Variants in CSF1R observed in about 807,000 individuals in gnomAD.
CSF1R encodes macrophage colony-stimulating factor 1 receptor.
Under a neutral mutation model 110.0 loss-of-function variants are expected in CSF1R, and 40 were observed. That is an observed-to-expected ratio of 0.36 (90% confidence interval 0.28 to 0.47). CSF1R has a LOEUF of 0.47. Among genes scored for constraint, CSF1R ranks in the 20% least tolerant of loss-of-function variants. CSF1R has a pLI of 0.99. For synonymous variants in CSF1R, 523 were observed against 503.4 expected (o/e 1.04, Z -0.52); for missense variants, 1,052 against 1,253.0 (o/e 0.84, Z 2.42).
At chr5:150,055,186 C>G (rs1316892340) in intron 19 of CSF1R, 51 bp downstream of exon 19, 1 of 1,531,424 alleles carries the variant, frequency 6.5e-7, no homozygotes, top group Non-Finnish European at 9.0e-7. Context: ...CCATCCCTTT[C>G]CAGCGAAAGC....
chr5:150,059,470 C>G (rs1366487181), intron 14 of CSF1R, among the ~76,000 whole-genome samples: 1 of 152,232 alleles, frequency 6.6e-6, no homozygotes, highest in East Asian at 1.9e-4. Context: ...GCCCTCCACA[C>G]TCCCAGAACA....
At position 150,054,065 on chromosome 5, in the gene CSF1R, C is replaced by CTCCTCAGCAGAACTGATAGTTG. The variant is rs1248845844; in HGVS notation, c.2901_*3dup. ...GGAGAGTGGTACTCCCTGTCGTCAA[C>CTCCTCAGCAGAACTGATAGTTG]TCCTCAGCAGAACTGATAGTTGTTG... On this transcript the variant is annotated 3_prime_UTR_variant, in exon 21 of 21. Coordinates refer to ENST00000675795, the MANE Select transcript of CSF1R (RefSeq NM_001288705.3). 3.1e-6 allele frequency: 5 copies of CTCCTCAGCAGAACTGATAGTTG among 1,613,948 alleles called. No homozygotes were observed. In the African/African-American group the frequency reaches 5.3e-5, roughly 17 times the overall value.
intron 1 of CSF1R, among the ~76,000 whole-genome samples, chr5:150,111,359 G>T (rs1329540921): frequency 1.3e-5 from 2 of 152,206 alleles, no homozygotes; most frequent in Non-Finnish European, 2.9e-5. Context: ...TCTTCCCTGG[G>T]CCCGCCTGAG....
At chr5:150,069,170 A>G (rs1156590506) in intron 9 of CSF1R, among the ~76,000 whole-genome samples, 1 of 152,202 alleles carries the variant, frequency 6.6e-6, no homozygotes, top group Non-Finnish European at 1.5e-5. Flanking sequence ...CTCCAAGGCC[A>G]GCAGCTGGGG....
intron 10 of CSF1R, among the ~76,000 whole-genome samples, chr5:150,063,657 G>A (rs182420746): frequency 3.3e-5 from 5 of 152,188 alleles, no homozygotes; most frequent in Non-Finnish European, 5.9e-5. Context: ...CCTGGGATGT[G>A]GGGAGGAGGA....
At chr5:150,068,163 T>C in intron 10 of CSF1R, 52 bp downstream of exon 10, 2 of 1,437,362 alleles carry the variant, frequency 1.4e-6, no homozygotes, top group Non-Finnish European at 1.9e-6. Flanking sequence ...GGGGGTACCA[T>C]CCAAATCTGG....
chr5:150,081,118 T>C (rs937851026), intron 1 of CSF1R, 94 bp from the exon 2 acceptor site: 1 of 1,444,464 alleles, frequency 6.9e-7, no homozygotes, highest in African/African-American at 1.4e-5. Flanking sequence ...TTGGCAGGGA[T>C]GGTGCTGTGC....
rs369891576 is a variant in CSF1R, at chr5:150,110,412, T to G, written c.-181+2849A>C. Among the ~76,000 whole-genome samples the G allele has an allele frequency of 5.3e-4, 80 of 152,354 alleles. No individual in the cohort carries two copies. In the South Asian group the frequency reaches 0.015, roughly 29 times the overall value. On this transcript the variant is annotated intron_variant, in intron 1 of 21. Transcript: ENST00000286301. The stretch of plus-strand genomic sequence containing the variant: ...CTTGCTGAGGAAATTAAATTTATGT[T>G]CGAGTGCTATTTCTTTGTGGCACTG...
chr5:150,063,965 C>T (rs977973779), intron 10 of CSF1R, among the ~76,000 whole-genome samples: 1 of 152,176 alleles, frequency 6.6e-6, no homozygotes, highest in African/African-American at 2.4e-5. Context: ...GCTGCAAGTC[C>T]TGGTTGAGAG....
intron 5 of CSF1R, among the ~76,000 whole-genome samples, chr5:150,074,982 C>A (rs1758200940): frequency 6.6e-6 from 1 of 152,136 alleles, no homozygotes; most frequent in South Asian, 2.1e-4. Flanking sequence ...TTATAGAGGC[C>A]CCTTTATCCT....
intron 1 of CSF1R, among the ~76,000 whole-genome samples, chr5:150,106,636 G>A (rs1469460781): frequency 1.3e-5 from 2 of 152,264 alleles, no homozygotes; most frequent in African/African-American, 4.8e-5. Context: ...TGGGGTATTT[G>A]CTCCCATTAC....
At chr5:150,078,380 G>GTAGGTC (rs1274342412) in intron 3 of CSF1R, 132 bp from the exon 4 acceptor site, 279 of 1,201,040 alleles carry the variant, frequency 2.3e-4, no homozygotes, top group Non-Finnish European at 1.1e-4. Flanking sequence ...ATCCTGGGAG[G>GTAGGTC]CAGCCTTGAT....
chr5:150,078,277 C>T, intron 3 of CSF1R, 29 bp from the exon 4 acceptor site: 2 of 1,612,892 alleles, frequency 1.2e-6, no homozygotes, highest in South Asian at 1.1e-5. Context: ...CCCCTGAACA[C>T]CCAGGCTCCC....
At chr5:150,106,247 GA>G (rs1759553766) in intron 1 of CSF1R, among the ~76,000 whole-genome samples, 1 of 152,206 alleles carries the variant, frequency 6.6e-6, no homozygotes, top group Non-Finnish European at 1.5e-5. Flanking sequence ...TGTGGCAGAG[GA>G]ACTTTGAGAG....
intron 1 of CSF1R, chr5:150,095,152 C>T (rs1457198083): frequency 1.4e-6 from 1 of 695,252 alleles, no homozygotes; most frequent in Non-Finnish European, 2.3e-6. Flanking sequence ...CTTCAAACTA[C>T]ATGAAACAAA....
chr5:150,104,344 G>A (rs778150824), intron 1 of CSF1R, among the ~76,000 whole-genome samples: 8 of 152,246 alleles, frequency 5.3e-5, no homozygotes, highest in Non-Finnish European at 1.0e-4. Flanking sequence ...CTGTCCCCAC[G>A]ATCAAAGGAT....
In CSF1R at chr5:150,057,512, G is replaced by C. The variant is rs1231057900; in HGVS notation, c.2213C>G (p.Ser738Cys). The change falls in exon 15 of 21, where the codon TCT becomes TGT. Residue 738 changes from serine to cysteine, a missense_variant. Coordinates refer to ENST00000675795, the MANE Select transcript of CSF1R (RefSeq NM_001288705.3). ...CCCTGGGACCTCCTCACCTTGCTCA[G>C]AGAAGGAGTCATTTGAAGAAGTGGA... ...PVSTSSNDSF[S>C]EQDLDKEDGR... The C allele has an allele frequency of 1.2e-6, 2 of 1,614,158 alleles. No homozygotes were observed. The highest frequency in any genetic ancestry group is 1.7e-6 in the Non-Finnish European group (2 of 1,180,004).
chr5:150,085,558 T>C (rs1758806017), intron 1 of CSF1R, among the ~76,000 whole-genome samples: 1 of 152,076 alleles, frequency 6.6e-6, no homozygotes, highest in Admixed American at 6.5e-5. Flanking sequence ...AGATGGAAAT[T>C]CTGCAGAACT....
At chr5:150,056,180 C>T (rs766207127) in intron 17 of CSF1R, 39 bp downstream of exon 17, 1 of 1,614,172 alleles carries the variant, frequency 6.2e-7, no homozygotes, top group Non-Finnish European at 8.5e-7. Flanking sequence ...CGACTCTTCA[C>T]CCCCTCCCCA....
Sources: gnomAD v4.1 joint callset for allele counts (sites outside exome capture counted in the v4.1 genomes callset) on GRCh38, gnomAD v4.1.1 for gene constraint, MANE v1.5 for transcripts, NCBI Gene and HGNC (gene_info 2026-07-23, HGNC 2026-07-21) for gene names.